The following ABR variants were observed in gnomAD, a reference collection of about 807,000 sequenced individuals.
ABR encodes active breakpoint cluster region-related protein.
Under a neutral mutation model 107.2 loss-of-function variants are expected in ABR, and 35 were observed. The observed-to-expected ratio is 0.33, with a 90% CI of 0.25 to 0.43. The LOEUF (loss-of-function observed/expected upper bound fraction) is 0.43. ABR is among the 20% of genes least tolerant of loss of function. The pLI, the probability that ABR is intolerant of heterozygous loss-of-function variation, is 1.00. For missense variants in ABR, 815 were observed against 1,115.2 expected (o/e 0.73, Z 3.83); for synonymous variants, 498 against 462.0 (o/e 1.08, Z -1.00).
At chr17:1,226,804 G>GGT (rs1226258148) in intron 1 of ABR, among the ~76,000 whole-genome samples, 1 of 150,124 alleles carries the variant, frequency 6.7e-6, no homozygotes, top group African/African-American at 2.5e-5. Context: ...TACGTGTGCA[G>GGT]GTGTGTGTGT....
chr17:1,134,828 A>G (rs2039987339), intron 1 of ABR, among the ~76,000 whole-genome samples: 1 of 152,202 alleles, frequency 6.6e-6, no homozygotes, highest in Non-Finnish European at 1.5e-5. Flanking sequence ...GGCACTTCCT[A>G]ACCTCTCTGT....
At position 1,120,271 on chromosome 17, in the gene ABR, TTTTTC is replaced by T. The variant is rs542393812; in HGVS notation, c.246+4907_246+4911del. 1.4e-4 allele frequency among the ~76,000 whole-genome samples: 21 copies of T among 151,934 alleles called. No homozygotes were observed. In the South Asian group the frequency reaches 4.2e-3, roughly 30 times the overall value. ...AATGATGATGATTTTTTTTTTCCTTTTTTTCTTTTTCTTTTGAGATGGCATCTCAC... is the reference window on the plus strand; with the variant it reads ...AATGATGATGATTTTTTTTTTCCTTTTTTTTCTTTTGAGATGGCATCTCAC... On this transcript the variant is annotated intron_variant, in intron 2 of 22. Transcript: ENST00000302538.
chr17:1,114,709 G>T (rs2038903401), intron 2 of ABR, among the ~76,000 whole-genome samples: 1 of 152,020 alleles, frequency 6.6e-6, no homozygotes, highest in Non-Finnish European at 1.5e-5. Flanking sequence ...GGAGGCGGAG[G>T]TTGCAGTGAG....
intron 1 of ABR, among the ~76,000 whole-genome samples, chr17:1,158,496 C>G (rs1295684459): frequency 6.6e-6 from 1 of 151,850 alleles, no homozygotes; most frequent in Admixed American, 6.6e-5. Context: ...GGTGCGGTGG[C>G]TCACACCTGT....
In ABR at chr17:1,171,463, C is replaced by A. The variant is rs190514240; in HGVS notation, c.61+8204G>T. Reference sequence around the variant, plus strand: ...CCGGGGAGTCCAGCAGCCAAGCTGCCCGGAGTGACAAGGACTCTGAGCTTC... The same window carrying A: ...CCGGGGAGTCCAGCAGCCAAGCTGCACGGAGTGACAAGGACTCTGAGCTTC... On this transcript the variant is annotated intron_variant, in intron 1 of 22. Transcript: ENST00000302538. 3.7e-3 allele frequency among the ~76,000 whole-genome samples: 562 copies of A among 152,282 alleles called. 3 individuals carry two copies. The highest frequency in any genetic ancestry group is 0.013 in the African/African-American group (532 of 41,552).
At chr17:1,016,325 T>G (rs1334113383) in intron 16 of ABR, among the ~76,000 whole-genome samples, 1 of 151,416 alleles carries the variant, frequency 6.6e-6, no homozygotes, top group Non-Finnish European at 1.5e-5. Context: ...TTCTTTTTTT[T>G]TTTTTTTTTG....
In ABR at chr17:1,145,566, C is replaced by T. The variant is rs113959892; in HGVS notation, c.62-20199G>A. Among the ~76,000 whole-genome samples, 347 of 152,332 alleles carry T rather than the reference C, an allele frequency of 2.3e-3. 3 individuals are homozygous for T. The highest frequency in any genetic ancestry group is 7.9e-3 in the African/African-American group (330 of 41,572). ...CTCACCACCTGCCTGGGATGGCCTCCTCGGAGCCCCCCTCCCATCTATGGC... is the reference window on the plus strand; with the variant it reads ...CTCACCACCTGCCTGGGATGGCCTCTTCGGAGCCCCCCTCCCATCTATGGC... On this transcript the variant is annotated intron_variant, in intron 1 of 22. Coordinates refer to ENST00000302538, the MANE Select transcript of ABR (RefSeq NM_021962.5).
chr17:1,062,697 A>G (rs576519287), intron 10 of ABR, among the ~76,000 whole-genome samples: 14 of 145,414 alleles, frequency 9.6e-5, no homozygotes, highest in African/African-American at 3.0e-4. Context: ...ATGTTCCTCT[A>G]GACACTGCTA....
At chr17:1,031,941 CCG>C in intron 16 of ABR, 1 of 976,034 alleles carries the variant, frequency 1.0e-6, no homozygotes, top group Non-Finnish European at 1.3e-6. Context: ...CCCTCCTTCC[CCG>C]CCCTCCGCGA....
At chr17:1,180,038 C>T (rs1187780815), upstream of ABR, among the ~76,000 whole-genome samples, 1 of 8,256 alleles carries the variant, frequency 1.2e-4, no homozygotes, top group South Asian at 3.5e-3. Context: ...GGCTTTGGTG[C>T]GGGGGCGGGG....
intron 1 of ABR, among the ~76,000 whole-genome samples, chr17:1,177,676 G>A (rs2041963307): frequency 6.6e-6 from 1 of 152,168 alleles, no homozygotes; most frequent in Non-Finnish European, 1.5e-5. Context: ...ACGATTCCAG[G>A]CTTCGGGAAA....
At chr17:1,096,243 G>A (rs747621444) in intron 3 of ABR, among the ~76,000 whole-genome samples, 9 of 152,200 alleles carry the variant, frequency 5.9e-5, no homozygotes, top group Non-Finnish European at 1.2e-4. Context: ...AGGCTCGTCT[G>A]CCCCGTGTGT....
intron 2 of ABR, among the ~76,000 whole-genome samples, chr17:1,122,613 C>T (rs947221006): frequency 2.6e-5 from 4 of 152,216 alleles, no homozygotes; most frequent in African/African-American, 7.2e-5. Context: ...ACATCCCTGG[C>T]TCTCCTAGCT....
chr17:1,225,663 AAAAG>A (rs755895098), intron 1 of ABR, among the ~76,000 whole-genome samples: 17 of 152,286 alleles, frequency 1.1e-4, no homozygotes, highest in African/African-American at 2.9e-4. Flanking sequence ...ACAAAAAAGA[AAAAG>A]AAAGAAGAAG....
chr17:1,160,602 G>A (rs779372646), intron 1 of ABR, among the ~76,000 whole-genome samples: 1 of 152,172 alleles, frequency 6.6e-6, no homozygotes, highest in Admixed American at 6.5e-5. Context: ...GGGGTACGAC[G>A]GAGCAGCAAA....
At chr17:1,095,971 C>A (rs1454299391) in intron 3 of ABR, among the ~76,000 whole-genome samples, 3 of 152,196 alleles carry the variant, frequency 2.0e-5, no homozygotes, top group Admixed American at 1.3e-4. Context: ...GAGGGCCAGT[C>A]GTGGCCAGCG....
chr17:1,087,825 T>C lies in ABR; in HGVS notation c.531+3840A>G, dbSNP rs2260608. 0.029 allele frequency among the ~76,000 whole-genome samples: 4,387 copies of C among 152,156 alleles called. 303 individuals are homozygous for C. The East Asian group carries it at 0.3, about 10-fold the overall frequency. On this transcript the variant is annotated intron_variant, in intron 4 of 22. Transcript: ENST00000302538. Reference sequence around the variant, plus strand: ...AGGAGCCAGGGGCAGGAGCCAGCCGTGCGGAGGCCTGCGTCCAGGGTCACG... The same window carrying C: ...AGGAGCCAGGGGCAGGAGCCAGCCGCGCGGAGGCCTGCGTCCAGGGTCACG...
At chr17:1,173,108 A>C (rs1344339925) in intron 1 of ABR, among the ~76,000 whole-genome samples, 3 of 20,092 alleles carry the variant, frequency 1.5e-4, no homozygotes, top group Admixed American at 7.5e-4. Flanking sequence ...CAGCCCACCC[A>C]ACACATCACC....
chr17:1,198,294 C>T (rs534257135), intron 1 of ABR, among the ~76,000 whole-genome samples: 56 of 151,684 alleles, frequency 3.7e-4, no homozygotes, highest in Admixed American at 1.3e-3. Context: ...CGTCGGTACA[C>T]GTGGCACGTT....
Sources: allele counts gnomAD v4.1 joint callset (sites outside exome capture counted in the v4.1 genomes callset), GRCh38; gene constraint gnomAD v4.1.1; transcripts MANE v1.5; gene names NCBI Gene and HGNC (gene_info 2026-07-23, HGNC 2026-07-21).